Variants in ADORA2A observed in about 807,000 individuals in gnomAD.
The protein encoded by ADORA2A is adenosine receptor A2a.
ADORA2A carries 11 observed loss-of-function variants against 18.4 expected under a neutral mutation model. That is an observed-to-expected ratio of 0.60 (90% CI 0.38 to 0.99). The LOEUF (loss-of-function observed/expected upper bound fraction) is 0.99, where lower values mean the gene tolerates loss of function less well. ADORA2A is among the 50% of genes least tolerant of loss of function. The pLI, the probability that ADORA2A is intolerant of heterozygous loss-of-function variation, is 0.01. For missense variants in ADORA2A, 449 were observed against 556.1 expected (o/e 0.81, Z 1.94); for synonymous variants, 218 against 237.3 (o/e 0.92, Z 0.75).
Position 24,433,144 on chromosome 22 carries a change from C to G in ADORA2A, c.-261C>G. 3.5e-6 allele frequency: 2 copies of G among 570,506 alleles called. No individual in the cohort carries two copies. The highest frequency in any genetic ancestry group is 4.3e-5 in the South Asian group (2 of 46,266). 35.3% of individuals were successfully genotyped at this position (570,506 alleles called of 1,614,324 possible). ...GTCCCTTTGCAGGTGCCTCAGGAAC[C>G]CTGAAGCTGGGCTGAGCCATGATGC... On this transcript the variant is annotated 5_prime_UTR_variant, in exon 2 of 3. Coordinates refer to ENST00000337539, the MANE Select transcript of ADORA2A (RefSeq NM_000675.6).
upstream of ADORA2A, among the ~76,000 whole-genome samples, chr22:24,424,940 G>A (rs1285961049): frequency 6.6e-6 from 1 of 152,126 alleles, no homozygotes; most frequent in Non-Finnish European, 1.5e-5. The surrounding 1 kb of genome is among the most constrained non-coding windows in gnomAD (Gnocchi z 4.9). Flanking sequence ...CTAGGCTGGG[G>A]GAGTCGGGGC....
At chr22:24,437,316 C>G (rs1308704956) in intron 2 of ADORA2A, among the ~76,000 whole-genome samples, 1 of 152,192 alleles carries the variant, frequency 6.6e-6, no homozygotes, top group Middle Eastern at 3.2e-3. Flanking sequence ...GCTAGACAGC[C>G]TTGGCATCCC....
At chr22:24,426,091 C>CAT (rs2042916320), upstream of ADORA2A, among the ~76,000 whole-genome samples, 1 of 152,176 alleles carries the variant, frequency 6.6e-6, no homozygotes, top group Non-Finnish European at 1.5e-5. Flanking sequence ...GACTTGAGAG[C>CAT]ATCACGTCCT....
upstream of ADORA2A, among the ~76,000 whole-genome samples, chr22:24,424,803 G>T (rs1276569086): frequency 6.6e-6 from 1 of 152,070 alleles, no homozygotes; most frequent in Admixed American, 6.5e-5. This position sits in a 1 kb window ranked among gnomAD's most constrained non-coding sequence, Gnocchi z 4.9. Context: ...GGGATTTGGC[G>T]CAAGGCGGCC....
At chr22:24,436,983 G>A (rs1333022117) in intron 2 of ADORA2A, among the ~76,000 whole-genome samples, 1 of 152,148 alleles carries the variant, frequency 6.6e-6, no homozygotes, top group Non-Finnish European at 1.5e-5. Flanking sequence ...AGGCCTGTTC[G>A]TACCAGGGGA....
chr22:24,432,030 G>A (rs2043050710), intron 1 of ADORA2A: 1 of 162,432 alleles, frequency 6.2e-6, no homozygotes, highest in Non-Finnish European at 1.4e-5. Flanking sequence ...GTCCCTCAGT[G>A]AGTCCTGGTT....
Position 24,440,586 on chromosome 22 carries a change from C to G in ADORA2A, c.336C>G (p.Tyr112Ter). The change falls in exon 3 of 3, where the codon TAC becomes TAG. Residue 112 changes from tyrosine to a stop codon, truncating the protein, a stop_gained. Coordinates refer to ENST00000337539, the MANE Select transcript of ADORA2A (RefSeq NM_000675.6). LOFTEE classifies it high-confidence loss of function. ...RYIAIRIPLR[Y>*]NGLVTGTRAK... ...GATGCTGGTCTCTTCTCCCCAGGTA[C>G]AATGGCTTGGTGACCGGCACGAGGG... 1 of 1,557,124 alleles carries G rather than the reference C, an allele frequency of 6.4e-7. No homozygotes were observed. The highest frequency in any genetic ancestry group is 8.7e-7 in the Non-Finnish European group (1 of 1,149,096).
chr22:24,441,797 G>T lies in ADORA2A; in HGVS notation c.*308G>T. The stretch of plus-strand genomic sequence containing the variant: ...CAGAAGCATCTGGAAGCACCACCTT[G>T]TCTCCACAGAGCAGCTTGGGCACAG... On this transcript the variant is annotated 3_prime_UTR_variant, in exon 3 of 3. Coordinates refer to ENST00000337539, the MANE Select transcript of ADORA2A (RefSeq NM_000675.6). 7.6e-6 allele frequency: 2 copies of T among 262,474 alleles called. No homozygotes were observed. The highest frequency in any genetic ancestry group is 1.5e-5 in the Non-Finnish European group (2 of 136,770). The allele number at this position is 262,474 out of a possible 1,614,324, so 16.3% of individuals were successfully genotyped here. A position where few individuals can be genotyped will look rare whatever the true frequency, so the allele number is the denominator to read the frequency against.
chr22:24,424,837 G>C (rs1312012790), upstream of ADORA2A, among the ~76,000 whole-genome samples: 1 of 152,160 alleles, frequency 6.6e-6, no homozygotes, highest in Non-Finnish European at 1.5e-5. This position sits in a 1 kb window ranked among gnomAD's most constrained non-coding sequence, Gnocchi z 4.9. Flanking sequence ...AGGAGGCCGC[G>C]GGCCGGCAGA....
At chr22:24,430,971 A>G in intron 1 of ADORA2A, 1 of 369,632 alleles carries the variant, frequency 2.7e-6, no homozygotes, top group Non-Finnish European at 5.4e-6. Context: ...GGTGGGAGGC[A>G]GCCCGGGGCC....
intron 1 of ADORA2A, chr22:24,431,362 G>C: frequency 2.2e-6 from 1 of 456,718 alleles, no homozygotes; most frequent in Non-Finnish European, 4.4e-6. Flanking sequence ...CCAGTCCCAG[G>C]TATGGCTGCA....
intron 1 of ADORA2A, chr22:24,431,353 C>T: frequency 4.4e-6 from 2 of 456,650 alleles, no homozygotes; most frequent in South Asian, 3.1e-5. Flanking sequence ...GGAGAACCTC[C>T]AGTCCCAGGT....
chr22:24,423,665 G>C (rs1468404875), upstream of ADORA2A: 3 of 152,946 alleles, frequency 2.0e-5, no homozygotes, highest in East Asian at 3.9e-4. Context: ...GGACGGATGC[G>C]AGCCCGGGAG....
chr22:24,439,481 C>G (rs1395765336), intron 2 of ADORA2A: 1 of 152,168 alleles, frequency 6.6e-6, no homozygotes, highest in Non-Finnish European at 1.5e-5. Flanking sequence ...TAGGAAACTT[C>G]TTTGAGATCT....
At chr22:24,431,316 T>C (rs563847644) in intron 1 of ADORA2A, 3 of 456,788 alleles carry the variant, frequency 6.6e-6, no homozygotes, top group African/African-American at 2.0e-5. Flanking sequence ...AGGCTCCTAG[T>C]AGGGGCAAAA....
At chr22:24,435,347 G>T (rs1179302967) in intron 2 of ADORA2A, among the ~76,000 whole-genome samples, 1 of 152,226 alleles carries the variant, frequency 6.6e-6, no homozygotes. Context: ...AAGCACTGGA[G>T]GGGACTTCAG....
chr22:24,429,628 C>G (rs2042978249), intron 1 of ADORA2A: 1 of 152,258 alleles, frequency 6.6e-6, no homozygotes, highest in South Asian at 2.1e-4. Flanking sequence ...GCTGTGCTCT[C>G]TGTGCGCACG....
At chr22:24,438,517 C>A (rs951705983) in intron 2 of ADORA2A, 7 of 152,246 alleles carry the variant, frequency 4.6e-5, no homozygotes, top group African/African-American at 1.7e-4. Context: ...TGCCAACTCC[C>A]TGTTGCTTGG....
At chr22:24,429,604 G>C (rs898778385) in intron 1 of ADORA2A, 1 of 152,234 alleles carries the variant, frequency 6.6e-6, no homozygotes, top group African/African-American at 2.4e-5. Flanking sequence ...TGGAGGCCCA[G>C]GAGCCTTCCT....
Sources: gnomAD v4.1 joint callset for allele counts (sites outside exome capture counted in the v4.1 genomes callset) on GRCh38, gnomAD v4.1.1 for gene constraint, Gnocchi (gnomAD v3.1) non-coding constraint, MANE v1.5 for transcripts, NCBI Gene and HGNC (gene_info 2026-07-23, HGNC 2026-07-21) for gene names.